Variants in TENT4A observed in about 807,000 individuals in gnomAD.
The protein encoded by TENT4A is terminal nucleotidyltransferase 4A.
A neutral mutation model predicts 72.8 loss-of-function variants in TENT4A; 7 were observed. The observed-to-expected ratio is 0.10, with a 90% CI of 0.05 to 0.18. TENT4A has a LOEUF of 0.18. Ranked by LOEUF, TENT4A falls within the 10% of genes least tolerant of loss-of-function variation. The pLI is 1.00. For synonymous variants in TENT4A, 456 were observed against 434.3 expected (o/e 1.05, Z -0.62); for missense variants, 831 against 1,017.7 (o/e 0.82, Z 2.50).
chr5:6,725,679 G>A (rs542737429), intron 1 of TENT4A, among the ~76,000 whole-genome samples: 4 of 152,238 alleles, frequency 2.6e-5, no homozygotes, highest in East Asian at 1.9e-4. Flanking sequence ...AAACTGATCC[G>A]TGGTTTGTTT....
intron 6 of TENT4A, 160 bp from the exon 7 acceptor site, chr5:6,746,054 G>C: frequency 6.7e-7 from 1 of 1,484,870 alleles, no homozygotes; most frequent in South Asian, 1.3e-5. Context: ...CCTCGTTGAA[G>C]AGGCTGCTGT....
At chr5:6,748,324 C>G in intron 7 of TENT4A, 140 bp from the exon 8 acceptor site, 1 of 1,137,268 alleles carries the variant, frequency 8.8e-7, no homozygotes, top group African/African-American at 1.5e-5. Flanking sequence ...ATTGTGTTCG[C>G]CTGTCTGGGC....
chr5:6,754,932 G>C lies in TENT4A; in HGVS notation c.2366G>C (p.Ser789Thr), dbSNP rs1414549780. 6.3e-7 allele frequency: 1 copy of C among 1,580,440 alleles called. No homozygotes were observed. Among genetic ancestry groups the C allele is most frequent in the Non-Finnish European group, 8.7e-7 (1 of 1,155,086 alleles). The change falls in exon 13 of 13, where the codon AGC becomes ACC. Residue 789 changes from serine to threonine, a missense_variant. Physicochemically the swap from Ser to Thr is moderately conservative, Grantham distance 58 (BLOSUM62 1). Transcript: ENST00000230859. ...HTHTRDSLPV[S>T]LSR is the part of the protein sequence containing the mutation. Reference sequence around the variant, plus strand: ...CACACACGGGACAGTCTGCCCGTGAGCCTCAGCAGATAATGGCTCCTGGCT... The same window carrying C: ...CACACACGGGACAGTCTGCCCGTGACCCTCAGCAGATAATGGCTCCTGGCT...
chr5:6,753,170 C>G (rs1268946146), intron 12 of TENT4A, 133 bp downstream of exon 12: 2 of 866,032 alleles, frequency 2.3e-6, no homozygotes, highest in Admixed American at 2.6e-5. Flanking sequence ...TGTCATTCAG[C>G]CTGTTTGCTT....
chr5:6,751,012 C>T (rs761383312), intron 10 of TENT4A, 27 bp from the exon 11 acceptor site: 4 of 1,612,384 alleles, frequency 2.5e-6, no homozygotes, highest in Admixed American at 3.3e-5. Flanking sequence ...TACAGCTGTC[C>T]TTTTTGTTTT....
Position 6,746,288 on chromosome 5 carries a change from T to C in TENT4A, c.1320T>C (p.Tyr440=). The part of the protein sequence containing the change: ...GMLLVEFFEL[Y]GRNFNYLKTG... Reference sequence around the variant, plus strand: ...TTCTTGTAGAATTTTTTGAACTCTATGGGAGAAATTTTAATTACTTGAAAA... The same window carrying C: ...TTCTTGTAGAATTTTTTGAACTCTACGGGAGAAATTTTAATTACTTGAAAA... The change falls in exon 7 of 13, where the codon TAT becomes TAC. Residue 440 remains tyrosine, a synonymous_variant. Coordinates refer to ENST00000230859, the MANE Select transcript of TENT4A (RefSeq NM_006999.6). 2 of 1,614,204 alleles carry C rather than the reference T, an allele frequency of 1.2e-6. No homozygotes were observed. The highest frequency in any genetic ancestry group is 1.7e-6 in the Non-Finnish European group (2 of 1,180,028).
At chr5:6,733,042 T>C (rs1434629880) in intron 1 of TENT4A, among the ~76,000 whole-genome samples, 2 of 152,232 alleles carry the variant, frequency 1.3e-5, no homozygotes, top group Non-Finnish European at 2.9e-5. Flanking sequence ...GTTCCTGGCG[T>C]TGTGTCCTTT....
chr5:6,746,467 G>A (rs759078646), intron 7 of TENT4A, 40 bp downstream of exon 7: 1 of 1,594,172 alleles, frequency 6.3e-7, no homozygotes, highest in Non-Finnish European at 8.6e-7. Flanking sequence ...AGCTGGGCCA[G>A]CCTCGGGGAC....
At chr5:6,720,963 T>G (rs1474433061) in intron 1 of TENT4A, among the ~76,000 whole-genome samples, 1 of 152,092 alleles carries the variant, frequency 6.6e-6, no homozygotes, top group Non-Finnish European at 1.5e-5. Context: ...AATGTTGGCT[T>G]CCCCAGAACC....
chr5:6,722,033 A>T (rs1740679840), intron 1 of TENT4A, among the ~76,000 whole-genome samples: 1 of 152,236 alleles, frequency 6.6e-6, no homozygotes, highest in Non-Finnish European at 1.5e-5. Context: ...ATGTTTCTGC[A>T]TCAGACCTGC....
intron 1 of TENT4A, among the ~76,000 whole-genome samples, chr5:6,721,587 C>G (rs71600236): frequency 0.26 from 39,745 of 152,114 alleles, 5,860 homozygotes; most frequent in East Asian, 0.39. Flanking sequence ...GAGCCTGTCC[C>G]TGGTGTCCTG....
chr5:6,748,422 G>A (rs1392870188), intron 7 of TENT4A, 42 bp from the exon 8 acceptor site: 8 of 1,607,818 alleles, frequency 5.0e-6, no homozygotes, highest in Non-Finnish European at 6.0e-6. Context: ...GTGGACGATG[G>A]TGTGCATGTG....
At position 6,748,542 on chromosome 5, in the gene TENT4A, A is replaced by G; in HGVS notation, c.1538A>G (p.His513Arg). The change falls in exon 8 of 13, where the codon CAT (histidine) becomes CGT (arginine). Residue 513 changes from histidine (H) to arginine (R), a missense_variant. By Grantham distance (29) the His-to-Arg change is conservative. Transcript: ENST00000230859. The part of the protein sequence containing the change: ...VFDYAYIVLS[H>R]AVSPLARSYP... ...GATTATGCCTACATAGTGCTCAGCC[A>G]TGCTGTGTCACCGCTGGCCAGGTCC... The G allele has an allele frequency of 6.2e-7, 1 of 1,614,082 alleles. No homozygotes were observed. Among genetic ancestry groups the G allele is most frequent in the Non-Finnish European group, 8.5e-7 (1 of 1,179,954 alleles).
At chr5:6,735,013 G>A (rs1741404391) in intron 1 of TENT4A, among the ~76,000 whole-genome samples, 1 of 152,230 alleles carries the variant, frequency 6.6e-6, no homozygotes, top group African/African-American at 2.4e-5. Context: ...TGGCTGCACA[G>A]GTCCTGAAAG....
intron 1 of TENT4A, among the ~76,000 whole-genome samples, chr5:6,722,547 G>GTTTTTT (rs55840324): frequency 7.1e-4 from 88 of 123,228 alleles, no homozygotes; most frequent in Middle Eastern, 4.5e-3. Flanking sequence ...GCATTTGTTA[G>GTTTTTT]TTTTTTTTTT....
At chr5:6,730,755 T>TAAAAAAAAAAAAA (rs5865676) in intron 1 of TENT4A, among the ~76,000 whole-genome samples, 1 of 130,050 alleles carries the variant, frequency 7.7e-6, no homozygotes, top group Non-Finnish European at 1.6e-5. Context: ...AGCCTTAATT[T>TAAAAAAAAAAAAA]AAAAAAAAAA....
Position 6,751,150 on chromosome 5 carries a change from C to T in TENT4A, c.1972C>T (p.Pro658Ser), listed in dbSNP as rs531095997. The change falls in exon 11 of 13, where the codon CCT becomes TCT. Residue 658 changes from proline to serine, a missense_variant. Pro to Ser is a moderately conservative substitution (Grantham distance 74, BLOSUM62 -1). Transcript: ENST00000230859. ...CGCCTTGCCAATGCCCAGTGGCAAA[C>T]CTCAGCCCACCACTTCCAGAACACT... is the stretch of plus-strand genomic sequence containing the variant. ...PTALPMPSGK[P>S]QPTTSRTLIM... 2 of 1,614,242 alleles carry T rather than the reference C, an allele frequency of 1.2e-6. No individual in the cohort carries two copies. The highest frequency in any genetic ancestry group is 1.7e-6 in the Non-Finnish European group (2 of 1,180,046).
At chr5:6,722,547 G>T (rs1293322499) in intron 1 of TENT4A, among the ~76,000 whole-genome samples, 35 of 123,222 alleles carry the variant, frequency 2.8e-4, no homozygotes, top group South Asian at 1.1e-3. Context: ...GCATTTGTTA[G>T]TTTTTTTTTT....
At chr5:6,750,583 C>T in intron 10 of TENT4A, 80 bp downstream of exon 10, 1 of 1,338,252 alleles carries the variant, frequency 7.5e-7, no homozygotes, top group Non-Finnish European at 1.0e-6. Flanking sequence ...AGCTTAAAAT[C>T]TCCCCCTTGG....
Sources: allele counts gnomAD v4.1 joint callset (sites outside exome capture counted in the v4.1 genomes callset), GRCh38; gene constraint gnomAD v4.1.1; transcripts MANE v1.5; gene names NCBI Gene and HGNC (gene_info 2026-07-23, HGNC 2026-07-21).